Variants in MGMT observed in about 807,000 individuals in gnomAD.
MGMT encodes methylated-DNA--protein-cysteine methyltransferase.
A neutral mutation model predicts 15.9 loss-of-function variants in MGMT; 14 were observed. The observed-to-expected ratio is 0.88, with a 90% CI of 0.58 to 1.37. The LOEUF (loss-of-function observed/expected upper bound fraction) is 1.37, where lower values mean the gene tolerates loss of function less well. Ranked by LOEUF, MGMT falls within the 40% of genes most tolerant of loss-of-function variation. The pLI is 0.00. For missense variants in MGMT, 282 were observed against 268.1 expected (o/e 1.05, Z -0.36); for synonymous variants, 130 against 118.2 (o/e 1.10, Z -0.65).
At chr10:129,747,896 G>T (rs1848711998) in intron 3 of MGMT, among the ~76,000 whole-genome samples, 1 of 152,164 alleles carries the variant, frequency 6.6e-6, no homozygotes, top group African/African-American at 2.4e-5. Flanking sequence ...CTTTTCTCAT[G>T]ATTTGACTGG....
intron 1 of MGMT, among the ~76,000 whole-genome samples, chr10:129,475,100 G>A (rs2119621241): frequency 6.6e-6 from 1 of 152,236 alleles, no homozygotes. Flanking sequence ...AGTGAGAGGT[G>A]GCAAGGTCTG....
chr10:129,635,340 C>T (rs1414606324), intron 2 of MGMT, among the ~76,000 whole-genome samples: 4 of 152,188 alleles, frequency 2.6e-5, no homozygotes, highest in Non-Finnish European at 5.9e-5. Flanking sequence ...TCCTGGTTTC[C>T]GGGCTCACAG....
At chr10:129,695,208 T>C (rs1031519968) in intron 2 of MGMT, among the ~76,000 whole-genome samples, 1 of 152,212 alleles carries the variant, frequency 6.6e-6, no homozygotes, top group African/African-American at 2.4e-5. Flanking sequence ...CCAGCTAACT[T>C]GTTCCAGCTG....
intron 3 of MGMT, among the ~76,000 whole-genome samples, chr10:129,717,184 T>C (rs1012760252): frequency 3.3e-5 from 5 of 152,236 alleles, no homozygotes; most frequent in African/African-American, 1.2e-4. Flanking sequence ...GTATCAACTT[T>C]CAGTGTGATA....
At chr10:129,683,625 A>G (rs1055596712) in intron 2 of MGMT, among the ~76,000 whole-genome samples, 2 of 152,270 alleles carry the variant, frequency 1.3e-5, no homozygotes, top group Admixed American at 6.5e-5. Context: ...GTGTTCATTC[A>G]GTGTATATTG....
At chr10:129,511,518 C>T (rs180850729) in intron 1 of MGMT, among the ~76,000 whole-genome samples, 36 of 152,292 alleles carry the variant, frequency 2.4e-4, no homozygotes, top group Admixed American at 2.3e-3. Flanking sequence ...TTTGAATATG[C>T]CAGGAATTAA....
intron 2 of MGMT, among the ~76,000 whole-genome samples, chr10:129,663,053 A>G (rs1359916032): frequency 1.3e-5 from 2 of 152,220 alleles, no homozygotes; most frequent in Admixed American, 6.5e-5. Context: ...ATCCCGTCAC[A>G]GATACGTATT....
intron 2 of MGMT, among the ~76,000 whole-genome samples, chr10:129,648,276 TG>T (rs952028035): frequency 6.6e-6 from 1 of 152,180 alleles, no homozygotes; most frequent in African/African-American, 2.4e-5. Context: ...GAATATAGTG[TG>T]TAAGGTAGCA....
intron 1 of MGMT, among the ~76,000 whole-genome samples, chr10:129,486,039 C>T (rs1845405223): frequency 6.6e-6 from 1 of 152,154 alleles, no homozygotes; most frequent in Admixed American, 6.5e-5. Context: ...CCTTATTAGA[C>T]TTGATATAGA....
intron 1 of MGMT, among the ~76,000 whole-genome samples, chr10:129,535,947 A>T (rs1160269016): frequency 6.6e-6 from 1 of 152,232 alleles, no homozygotes; most frequent in African/African-American, 2.4e-5. Flanking sequence ...AGCTCTTACC[A>T]GGTCAGCTTC....
chr10:129,662,165 A>G (rs1375560737), intron 2 of MGMT, among the ~76,000 whole-genome samples: 8 of 152,216 alleles, frequency 5.3e-5, no homozygotes, highest in Admixed American at 5.2e-4. Flanking sequence ...CTGACAGAAC[A>G]GGGATAATAA....
intron 2 of MGMT, among the ~76,000 whole-genome samples, chr10:129,664,609 A>G (rs1439187080): frequency 6.6e-6 from 1 of 152,260 alleles, no homozygotes; most frequent in Non-Finnish European, 1.5e-5. Flanking sequence ...TCAAAATACC[A>G]TGCACCACTG....
intron 3 of MGMT, among the ~76,000 whole-genome samples, chr10:129,741,486 T>C (rs1402558166): frequency 1.3e-5 from 2 of 152,176 alleles, no homozygotes; most frequent in African/African-American, 4.8e-5. Flanking sequence ...CAGGACTGCA[T>C]GTGGCCCTCG....
intron 1 of MGMT, among the ~76,000 whole-genome samples, chr10:129,519,949 G>A (rs1845785372): frequency 6.6e-6 from 1 of 152,106 alleles, no homozygotes; most frequent in Non-Finnish European, 1.5e-5. Context: ...TGGGAGGATT[G>A]CGTGAAGCCA....
At chr10:129,680,263 T>TA (rs1408886616) in intron 2 of MGMT, among the ~76,000 whole-genome samples, 1 of 152,214 alleles carries the variant, frequency 6.6e-6, no homozygotes, top group Non-Finnish European at 1.5e-5. Context: ...ACAAGCTAGT[T>TA]AAAATCTCCT....
intron 2 of MGMT, among the ~76,000 whole-genome samples, chr10:129,624,803 C>T (rs951075504): frequency 2.0e-4 from 31 of 152,232 alleles, no homozygotes; most frequent in African/African-American, 6.5e-4. Flanking sequence ...TAGACTAAGG[C>T]GGCACACCTT....
intron 2 of MGMT, among the ~76,000 whole-genome samples, chr10:129,589,630 G>A (rs553301509): frequency 1.3e-5 from 2 of 152,236 alleles, no homozygotes; most frequent in South Asian, 2.1e-4. Flanking sequence ...GTCGGATATC[G>A]GCAGCACCAC....
At position 129,586,488 on chromosome 10, in the gene MGMT, T is replaced by C. The variant is rs568535052; in HGVS notation, c.125+50111T>C. 1.2e-4 allele frequency among the ~76,000 whole-genome samples: 18 copies of C among 152,358 alleles called. No homozygotes were observed. The South Asian group carries it at 3.5e-3, about 30-fold the overall frequency. The stretch of plus-strand genomic sequence containing the variant: ...TTTTCTCGTTTTATGAATGGAATTA[T>C]AACGTATAGTCTCTTCGTGTCTGAG... On this transcript the variant is annotated intron_variant, in intron 2 of 4. Transcript: ENST00000651593.
intron 2 of MGMT, among the ~76,000 whole-genome samples, chr10:129,657,409 G>A (rs570266554): frequency 1.4e-5 from 2 of 139,174 alleles, no homozygotes; most frequent in South Asian, 4.9e-4. Context: ...TTGTGGGGGT[G>A]GGGGGGGGAG....
Sources: gnomAD v4.1 joint callset for allele counts (sites outside exome capture counted in the v4.1 genomes callset) on GRCh38, gnomAD v4.1.1 for gene constraint, MANE v1.5 for transcripts, NCBI Gene and HGNC (gene_info 2026-07-23, HGNC 2026-07-21) for gene names.